TEAD4: variants seen among roughly 807,000 people sequenced by gnomAD.
TEAD4 encodes transcriptional enhancer factor TEF-3.
In TEAD4, 36 loss-of-function variants were observed where a neutral mutation model predicts 52.4. That is an observed-to-expected ratio of 0.69 (90% CI 0.53 to 0.91). The LOEUF is 0.91. TEAD4 is among the 40% of genes least tolerant of loss of function. TEAD4 has a pLI of 0.00. For synonymous variants in TEAD4, 220 were observed against 231.0 expected (o/e 0.95, Z 0.43); for missense variants, 508 against 583.9 (o/e 0.87, Z 1.34).
At chr12:2,962,301 A>ATAAAAATATATAAATATAT (rs1565518128) in intron 2 of TEAD4, among the ~76,000 whole-genome samples, 1 of 29,574 alleles carries the variant, frequency 3.4e-5, no homozygotes, top group Non-Finnish European at 1.2e-4. Flanking sequence ...TATATATATA[A>ATAAAAATATATAAATATAT]ATATAAATAT....
At chr12:3,002,687 C>CA in intron 3 of TEAD4, among the ~76,000 whole-genome samples, 1 of 152,290 alleles carries the variant, frequency 6.6e-6, no homozygotes, top group Middle Eastern at 3.4e-3. Context: ...ACAGTAGGTG[C>CA]CAAATGCACA....
chr12:2,963,792 C>T (rs781673262), intron 2 of TEAD4, among the ~76,000 whole-genome samples: 11 of 152,194 alleles, frequency 7.2e-5, no homozygotes, highest in Non-Finnish European at 1.0e-4. Context: ...TCTATGCCCA[C>T]GTCCTCCTGC....
chr12:3,020,705 G>A lies in TEAD4; in HGVS notation c.655G>A (p.Val219Met), dbSNP rs367723028. 2.8e-4 allele frequency: 446 copies of A among 1,609,258 alleles called. No individual in the cohort carries two copies. Among genetic ancestry groups the A allele is most frequent in the South Asian group, 6.7e-4 (60 of 89,836 alleles). ...GGCACCCCCATGGCAGGGCCGCAGC[G>A]TGGCCAGCTCCAAGCTCTGGATGTT... The change falls in exon 9 of 13, where the codon GTG (valine) becomes ATG (methionine). Residue 219 changes from valine to methionine, a missense_variant. Coordinates refer to ENST00000359864, the MANE Select transcript of TEAD4 (RefSeq NM_003213.4).
At chr12:3,015,689 T>C (rs537268186) in intron 5 of TEAD4, among the ~76,000 whole-genome samples, 78 of 152,284 alleles carry the variant, frequency 5.1e-4, no homozygotes, top group African/African-American at 1.9e-3. Context: ...GAGACTCCAC[T>C]CTGTCACCCA....
chr12:3,012,472 G>C (rs2098261110), intron 5 of TEAD4, among the ~76,000 whole-genome samples: 1 of 152,130 alleles, frequency 6.6e-6, no homozygotes, highest in Non-Finnish European at 1.5e-5. Context: ...ATCCCCCCTT[G>C]CTGGCTCCTG....
rs1458794150 is a variant in TEAD4 at position 3,040,433 on chromosome 12, T to C, written c.1260T>C (p.Ser420=). The change falls in exon 13 of 13, where the codon AGT becomes AGC. Residue 420 remains serine, a synonymous_variant. Transcript: ENST00000359864. ...CCTATGTCTTTGAGGTGTCAGCCAG[T>C]GAGCACGGGGCTCAGCACCACATCT... The C allele has an allele frequency of 6.2e-7, 1 of 1,613,964 alleles. No individual in the cohort carries two copies. The highest frequency in any genetic ancestry group is 1.7e-5 in the Admixed American group (1 of 59,986).
chr12:2,981,290 T>C (rs1316702955), intron 2 of TEAD4, among the ~76,000 whole-genome samples: 1 of 152,248 alleles, frequency 6.6e-6, no homozygotes, highest in African/African-American at 2.4e-5. Flanking sequence ...CGGCACTACC[T>C]GCAGGATAGG....
At chr12:2,984,191 C>T (rs184350827) in intron 2 of TEAD4, among the ~76,000 whole-genome samples, 2 of 152,104 alleles carry the variant, frequency 1.3e-5, no homozygotes, top group South Asian at 4.2e-4. Context: ...AAGGTATGGC[C>T]GGAGAGCAGG....
At chr12:3,000,041 A>G (rs2098250453) in intron 3 of TEAD4, among the ~76,000 whole-genome samples, 2 of 152,012 alleles carry the variant, frequency 1.3e-5, no homozygotes, top group African/African-American at 4.8e-5. Flanking sequence ...GCAGCCCGTC[A>G]GTTCTCATTA....
chr12:2,988,113 A>G (rs2098240137), intron 2 of TEAD4, among the ~76,000 whole-genome samples: 1 of 152,124 alleles, frequency 6.6e-6, no homozygotes, highest in Non-Finnish European at 1.5e-5. Flanking sequence ...TCACAATTTC[A>G]TTGAATTTAT....
At chr12:3,027,207 G>T (rs1287876871) in intron 10 of TEAD4, among the ~76,000 whole-genome samples, 1 of 152,004 alleles carries the variant, frequency 6.6e-6, no homozygotes, top group Non-Finnish European at 1.5e-5. Context: ...TGGCCAGGCT[G>T]GTCTCGAACT....
At chr12:2,970,679 C>T (rs117395168) in intron 2 of TEAD4, among the ~76,000 whole-genome samples, 2,886 of 152,302 alleles carry the variant, frequency 0.019, 40 homozygotes, top group Non-Finnish European at 0.029. Flanking sequence ...CTAATCTACT[C>T]TTTGCTGTGA....
At chr12:3,004,088 C>G (rs1018420401) in intron 3 of TEAD4, among the ~76,000 whole-genome samples, 1 of 152,242 alleles carries the variant, frequency 6.6e-6, no homozygotes. Flanking sequence ...GATACGCTGG[C>G]TCCCACCAGC....
chr12:2,995,780 G>A (rs1478661540), intron 3 of TEAD4, among the ~76,000 whole-genome samples: 1 of 152,156 alleles, frequency 6.6e-6, no homozygotes, highest in Non-Finnish European at 1.5e-5. Context: ...GCCAAGGTGG[G>A]AGGATCACTT....
In TEAD4 at chr12:3,020,634, G is replaced by T; in HGVS notation, c.584G>T (p.Gly195Val). The change falls in exon 9 of 13, where the codon GGG becomes GTG. Residue 195 changes from glycine to valine, a missense_variant and splice_region_variant. Transcript: ENST00000359864. ...CATGTGCCTTTCTCACTTTGTGCAG[G>T]GTTTGAGTCTCCTGCAGGGCCCGCC... is the stretch of plus-strand genomic sequence containing the variant. The T allele has an allele frequency of 6.4e-7, 1 of 1,553,438 alleles. No individual in the cohort carries two copies. Among genetic ancestry groups the T allele is most frequent in the Non-Finnish European group, 8.7e-7 (1 of 1,147,648 alleles).
At position 2,976,679 on chromosome 12, in the gene TEAD4, C is replaced by T. The variant is rs552322866; in HGVS notation, c.-30+16639C>T. 3.3e-5 allele frequency among the ~76,000 whole-genome samples: 5 copies of T among 152,198 alleles called. No individual in the cohort carries two copies. In the East Asian group the frequency reaches 9.7e-4, roughly 29 times the overall value. On this transcript the variant is annotated intron_variant, in intron 2 of 12. Transcript: ENST00000359864. ...CGCCGAAGGGGTTGGGGGTGGGGTT[C>T]CCAGCTTCCACCTCCCTGAGAGCTG...
intron 3 of TEAD4, among the ~76,000 whole-genome samples, chr12:3,001,396 C>T (rs1223288760): frequency 2.0e-5 from 3 of 152,162 alleles, no homozygotes; most frequent in African/African-American, 7.2e-5. Context: ...ACAATAATTC[C>T]CCATTCCCCT....
rs1318639607 is a variant in TEAD4, at chr12:2,959,959, C to T, written c.-111C>T. 6.6e-6 allele frequency: 1 copy of T among 152,236 alleles called. No individual in the cohort carries two copies. Among genetic ancestry groups the T allele is most frequent in the Non-Finnish European group, 1.5e-5 (1 of 68,060 alleles). 9.4% of individuals were successfully genotyped at this position (152,236 alleles called of 1,614,324 possible). A position where few individuals can be genotyped will look rare whatever the true frequency, so the allele number is the denominator to read the frequency against. The stretch of plus-strand genomic sequence containing the variant: ...TGTCGTCCCCGCAGAACGATCGCCG[C>T]GGCCGGAAGAGTTGGCGCTCGGGGC... On this transcript the variant is annotated 5_prime_UTR_variant, in exon 2 of 13. Transcript: ENST00000359864. This position sits in a 1 kb window ranked among gnomAD's most constrained non-coding sequence, Gnocchi z 5.1.
chr12:3,010,133 GC>G (rs980368768), intron 3 of TEAD4, among the ~76,000 whole-genome samples: 1 of 152,220 alleles, frequency 6.6e-6, no homozygotes, highest in Non-Finnish European at 1.5e-5. Context: ...GGGGTGAAGG[GC>G]CACCCAAGGG....
Sources: allele counts gnomAD v4.1 joint callset (sites outside exome capture counted in the v4.1 genomes callset), GRCh38; gene constraint gnomAD v4.1.1; non-coding constraint Gnocchi (gnomAD v3.1); transcripts MANE v1.5; gene names NCBI Gene and HGNC (gene_info 2026-07-23, HGNC 2026-07-21).